The following SNX29 variants were observed in gnomAD, a reference collection of about 807,000 sequenced individuals.
SNX29 encodes the protein sorting nexin 29.
SNX29 carries 78 observed loss-of-function variants against 102.1 expected under a neutral mutation model. The observed-to-expected ratio is 0.76, with a 90% CI of 0.64 to 0.92. The LOEUF (loss-of-function observed/expected upper bound fraction) is 0.92, where lower values mean the gene tolerates loss of function less well. Among genes scored for constraint, SNX29 ranks in the 40% least tolerant of loss-of-function variants. The pLI is 0.00. For synonymous variants in SNX29, 580 were observed against 414.5 expected, an observed-to-expected ratio of 1.40 and a Z score of -4.85; for missense variants, 1,280 against 1,061.7, an observed-to-expected ratio of 1.21 and a Z score of -2.86.
intron 18 of SNX29, among the ~76,000 whole-genome samples, chr16:12,435,171 C>G (rs11859542): frequency 6.6e-6 from 1 of 151,924 alleles, no homozygotes; most frequent in Non-Finnish European, 1.5e-5. Context: ...TCTGCCTCTC[C>G]GTCTTTCTTC....
At chr16:12,005,102 T>A (rs2151031804) in intron 3 of SNX29, among the ~76,000 whole-genome samples, 1 of 152,312 alleles carries the variant, frequency 6.6e-6, no homozygotes, top group East Asian at 1.9e-4. Flanking sequence ...AAAGGGTGTT[T>A]CTCCATTTAT....
chr16:12,477,505 C>A (rs1003729294), intron 18 of SNX29, among the ~76,000 whole-genome samples: 2 of 152,302 alleles, frequency 1.3e-5, no homozygotes, highest in African/African-American at 4.8e-5. Flanking sequence ...TATGTTCTTC[C>A]CATAACTTGC....
chr16:12,470,687 T>G (rs2087295394), intron 18 of SNX29, among the ~76,000 whole-genome samples: 1 of 152,208 alleles, frequency 6.6e-6, no homozygotes, highest in African/African-American at 2.4e-5. Context: ...GCACGCTTTA[T>G]GTTTGTGTTT....
At chr16:12,089,764 C>T (rs1330757514) in intron 11 of SNX29, 3 of 321,090 alleles carry the variant, frequency 9.3e-6, no homozygotes, top group Non-Finnish European at 1.8e-5. Context: ...ATAGGATTTA[C>T]TCACTTCCTC....
chr16:12,103,669 A>G (rs1041880558), intron 11 of SNX29, among the ~76,000 whole-genome samples: 2 of 152,228 alleles, frequency 1.3e-5, no homozygotes, highest in African/African-American at 4.8e-5. Flanking sequence ...AAGAAATGGC[A>G]ACAAAAACCA....
rs1286174976 is a variant in SNX29 at position 12,118,313 on chromosome 16, C to CTTTCTTTTTTTTTT, written c.1403-8317_1403-8316insCTTTTTTTTTTTTT. ...TGTAGATAGTAGATATACAGACCAC[C>CTTTCTTTTTTTTTT]TTTTTTTTTTTTTTTTTTTTTTTAT... On this transcript the variant is annotated intron_variant, in intron 11 of 20. Transcript: ENST00000566228. Among the ~76,000 whole-genome samples the CTTTCTTTTTTTTTT allele has an allele frequency of 1.4e-3, 120 of 86,120 alleles. 6 individuals carry two copies. The East Asian group carries it at 0.015, about 11-fold the overall frequency. 56.5% of individuals were successfully genotyped at this position (86,120 alleles called of 152,430 possible).
chr16:12,214,148 C>T (rs1291607444), intron 14 of SNX29, among the ~76,000 whole-genome samples: 1 of 152,118 alleles, frequency 6.6e-6, no homozygotes. Flanking sequence ...CAGGGGCTTT[C>T]TTCTCCCAAA....
At chr16:12,512,273 G>A (rs1473408770) in intron 19 of SNX29, among the ~76,000 whole-genome samples, 1 of 149,762 alleles carries the variant, frequency 6.7e-6, no homozygotes, top group Non-Finnish European at 1.5e-5. Context: ...GGCTGGAGAG[G>A]CAGGTGGGAG....
At chr16:12,354,212 G>T (rs1378870208) in intron 15 of SNX29, among the ~76,000 whole-genome samples, 2 of 152,198 alleles carry the variant, frequency 1.3e-5, no homozygotes, top group Non-Finnish European at 2.9e-5. Context: ...AATGGCTGTA[G>T]GTAGGGATAT....
intron 3 of SNX29, among the ~76,000 whole-genome samples, chr16:12,023,754 A>G (rs941655691): frequency 1.3e-5 from 2 of 152,154 alleles, no homozygotes; most frequent in Non-Finnish European, 2.9e-5. Context: ...CTCGTGTATG[A>G]CATAGTGCTT....
At chr16:12,219,713 C>T (rs540286642) in intron 14 of SNX29, among the ~76,000 whole-genome samples, 9 of 152,318 alleles carry the variant, frequency 5.9e-5, no homozygotes, top group South Asian at 2.1e-4. Flanking sequence ...TGCAAAGTGA[C>T]GCACAGACCA....
intron 19 of SNX29, among the ~76,000 whole-genome samples, chr16:12,482,768 T>A (rs2088007067): frequency 1.3e-5 from 2 of 152,228 alleles, no homozygotes; most frequent in African/African-American, 4.8e-5. Flanking sequence ...TCTATATATT[T>A]CCCCTACAAT....
intron 20 of SNX29, among the ~76,000 whole-genome samples, chr16:12,537,822 A>C (rs1391918801): frequency 6.6e-6 from 1 of 152,084 alleles, no homozygotes; most frequent in Admixed American, 6.5e-5. Flanking sequence ...TGTCCACAGC[A>C]TATAAGAAGT....
chr16:12,239,328 A>G (rs561429898), intron 14 of SNX29, among the ~76,000 whole-genome samples: 1 of 152,236 alleles, frequency 6.6e-6, no homozygotes, highest in South Asian at 2.1e-4. Context: ...CGTCTCTAGC[A>G]CCAGTGAGGA....
At chr16:12,107,510 A>C (rs1432130647) in intron 11 of SNX29, among the ~76,000 whole-genome samples, 4 of 152,134 alleles carry the variant, frequency 2.6e-5, no homozygotes, top group Non-Finnish European at 5.9e-5. Context: ...CTACTGAAAA[A>C]TACAAAAATT....
intron 8 of SNX29, among the ~76,000 whole-genome samples, chr16:12,057,929 T>G: frequency 6.6e-6 from 1 of 151,946 alleles, no homozygotes; most frequent in East Asian, 1.9e-4. Context: ...GCGATTCTCC[T>G]GCCTCAGCCT....
At chr16:12,217,558 A>G (rs548548735) in intron 14 of SNX29, among the ~76,000 whole-genome samples, 31 of 152,336 alleles carry the variant, frequency 2.0e-4, no homozygotes, top group African/African-American at 6.3e-4. Context: ...TGCCACCCGT[A>G]GGTGAGGCAG....
chr16:12,182,193 T>TG (rs2076401704), intron 13 of SNX29, among the ~76,000 whole-genome samples: 1 of 150,242 alleles, frequency 6.7e-6, no homozygotes, highest in African/African-American at 2.4e-5. Context: ...GGCCTAGTTT[T>TG]TTTTTTTTTT....
At chr16:11,986,430 C>T (rs2055630101) in intron 1 of SNX29, among the ~76,000 whole-genome samples, 1 of 144,636 alleles carries the variant, frequency 6.9e-6, no homozygotes. Context: ...ATTGTGAAAA[C>T]AGAATATACC....
Sources: allele counts gnomAD v4.1 joint callset (sites outside exome capture counted in the v4.1 genomes callset), GRCh38; gene constraint gnomAD v4.1.1; transcripts MANE v1.5; gene names NCBI Gene and HGNC (gene_info 2026-07-23, HGNC 2026-07-21).